The following FOXN3 variants were observed in gnomAD, a reference collection of about 807,000 sequenced individuals.
FOXN3 encodes forkhead box protein N3.
A neutral mutation model predicts 38.4 loss-of-function variants in FOXN3; 7 were observed. The ratio of observed to expected loss-of-function variants is 0.18; its 90% confidence interval spans 0.10 to 0.34. The LOEUF (loss-of-function observed/expected upper bound fraction) is 0.34. FOXN3 is among the 10% of genes least tolerant of loss of function. FOXN3 has a pLI of 1.00. For missense variants in FOXN3, 456 were observed against 613.4 expected (o/e 0.74, Z 2.71); for synonymous variants, 230 against 242.2 (o/e 0.95, Z 0.47).
intron 1 of FOXN3, among the ~76,000 whole-genome samples, chr14:89,536,828 G>A (rs890985445): frequency 2.6e-5 from 4 of 151,740 alleles, no homozygotes; most frequent in African/African-American, 9.7e-5. Context: ...ATTAAATAAG[G>A]TCATCCTCCA....
At chr14:89,463,454 G>C (rs1892898566) in intron 1 of FOXN3, among the ~76,000 whole-genome samples, 1 of 152,146 alleles carries the variant, frequency 6.6e-6, no homozygotes, top group Non-Finnish European at 1.5e-5. Flanking sequence ...ACAGCAATAA[G>C]TTTAAAAGTA....
chr14:89,513,088 C>T (rs945856503), intron 1 of FOXN3, among the ~76,000 whole-genome samples: 3 of 141,218 alleles, frequency 2.1e-5, no homozygotes, highest in South Asian at 2.2e-4. Flanking sequence ...TGCAGTGAGC[C>T]GAGATCGCGC....
chr14:89,212,671 C>T (rs1884137513), intron 4 of FOXN3, among the ~76,000 whole-genome samples: 1 of 152,174 alleles, frequency 6.6e-6, no homozygotes, highest in South Asian at 2.1e-4. Flanking sequence ...CCTCCTTTGG[C>T]CCTTCCAACA....
rs184790769 is a variant in FOXN3 at position 89,558,930 on chromosome 14, T to C, written c.-15+60098A>G. On this transcript the variant is annotated intron_variant, in intron 1 of 6. Coordinates refer to the FOXN3 transcript ENST00000345097. ...CACATTTGGGCACACTTAGGCTTCT[T>C]AATATGAAACTTCTTCTGATTTACC... 1.7e-3 allele frequency among the ~76,000 whole-genome samples: 265 copies of C among 152,306 alleles called. 1 individual carries two copies. Among genetic ancestry groups the C allele is most frequent in the Middle Eastern group, 3.4e-3 (1 of 294 alleles).
intron 1 of FOXN3, among the ~76,000 whole-genome samples, chr14:89,442,797 T>C (rs1241256769): frequency 2.6e-5 from 4 of 151,014 alleles, no homozygotes; most frequent in Non-Finnish European, 5.9e-5. Flanking sequence ...TTCCCAGCCA[T>C]GGATGTAATT....
At chr14:89,273,968 A>C (rs1886227350) in intron 4 of FOXN3, among the ~76,000 whole-genome samples, 1 of 152,110 alleles carries the variant, frequency 6.6e-6, no homozygotes. Flanking sequence ...AATTTTTTTT[A>C]ATGTGTATGC....
At chr14:89,463,973 G>A (rs1892916270) in intron 1 of FOXN3, among the ~76,000 whole-genome samples, 1 of 152,080 alleles carries the variant, frequency 6.6e-6, no homozygotes, top group African/African-American at 2.4e-5. Context: ...TAGTAGAGGT[G>A]GGGTTTCACC....
rs1887191512 is a variant in FOXN3, at chr14:89,164,578, A to G, written c.852-1609T>C. On this transcript the variant is annotated intron_variant, in intron 5 of 5. Transcript: ENST00000557258. The surrounding 1 kb of genome is among the most constrained non-coding windows in gnomAD (Gnocchi z 4.3). Reference sequence around the variant, plus strand: ...CATGAGACAGGGTGTGGTTACTGCTAGGCCCCCAGTGGCTATCGCCGTGTC... The same window carrying G: ...CATGAGACAGGGTGTGGTTACTGCTGGGCCCCCAGTGGCTATCGCCGTGTC... Among the ~76,000 whole-genome samples, 2 of 152,172 alleles carry G rather than the reference A, an allele frequency of 1.3e-5. No individual in the cohort carries two copies. Among genetic ancestry groups the G allele is most frequent in the African/African-American group, 4.8e-5 (2 of 41,440 alleles).
intron 1 of FOXN3, among the ~76,000 whole-genome samples, chr14:89,477,660 C>T (rs753482490): frequency 4.6e-5 from 7 of 152,188 alleles, no homozygotes; most frequent in Non-Finnish European, 1.0e-4. Flanking sequence ...GCCAGGATGA[C>T]TGGGCTGAAG....
In FOXN3 at chr14:89,244,328, G is replaced by A. The variant is rs181068801; in HGVS notation, c.745+36622C>T. Reference sequence around the variant, plus strand: ...TGCAGGAACCTTCAAATATTTCCCCGTCTAAGCCATACCTACAAATGTCAT... The same window carrying A: ...TGCAGGAACCTTCAAATATTTCCCCATCTAAGCCATACCTACAAATGTCAT... On this transcript the variant is annotated intron_variant, in intron 4 of 5. Transcript: ENST00000557258. Among the ~76,000 whole-genome samples the A allele has an allele frequency of 1.1e-4, 17 of 152,232 alleles. No homozygotes were observed. In the East Asian group the frequency reaches 1.5e-3, roughly 14 times the overall value.
chr14:89,257,486 AC>A (rs1885660368), intron 4 of FOXN3, among the ~76,000 whole-genome samples: 1 of 152,236 alleles, frequency 6.6e-6, no homozygotes, highest in Non-Finnish European at 1.5e-5. Context: ...ACCTGTAAGT[AC>A]CAATTCCTGT....
upstream of FOXN3, among the ~76,000 whole-genome samples, chr14:89,420,032 A>C (rs1398360084): frequency 6.6e-6 from 1 of 152,096 alleles, no homozygotes; most frequent in Non-Finnish European, 1.5e-5. Flanking sequence ...AAATACGGGG[A>C]GGCTGGGCAG....
intron 4 of FOXN3, among the ~76,000 whole-genome samples, chr14:89,272,434 T>C (rs558324421): frequency 6.6e-6 from 1 of 152,314 alleles, no homozygotes; most frequent in South Asian, 2.1e-4. Flanking sequence ...AGGTATTACA[T>C]GTGGATGGTA....
intron 1 of FOXN3, among the ~76,000 whole-genome samples, chr14:89,575,260 C>T (rs243195): frequency 0.21 from 32,125 of 152,064 alleles, 4,327 homozygotes; most frequent in East Asian, 0.47. Context: ...TCTAAGATGA[C>T]CTTGAAGGAC....
At chr14:89,551,324 C>A (rs1895001691) in intron 1 of FOXN3, among the ~76,000 whole-genome samples, 1 of 152,166 alleles carries the variant, frequency 6.6e-6, no homozygotes, top group Non-Finnish European at 1.5e-5. Flanking sequence ...CTGTCTTCTG[C>A]ACAATCAGAT....
intron 3 of FOXN3, among the ~76,000 whole-genome samples, chr14:89,312,885 G>A (rs562592639): frequency 3.3e-5 from 5 of 152,238 alleles, no homozygotes; most frequent in Admixed American, 2.0e-4. Context: ...CCCCACTACC[G>A]ACTGCCCTGT....
chr14:89,512,608 C>A (rs1248047395), intron 1 of FOXN3, among the ~76,000 whole-genome samples: 1 of 152,218 alleles, frequency 6.6e-6, no homozygotes, highest in Non-Finnish European at 1.5e-5. Flanking sequence ...CTTCCCGGTA[C>A]GGGGAGGCCA....
intron 1 of FOXN3, among the ~76,000 whole-genome samples, chr14:89,483,674 CT>C (rs1893389145): frequency 6.6e-6 from 1 of 152,180 alleles, no homozygotes; most frequent in Middle Eastern, 3.2e-3. Context: ...TCCCAAAGTG[CT>C]GGGATTACAG....
At chr14:89,408,077 C>A (rs1479864789) in intron 2 of FOXN3, among the ~76,000 whole-genome samples, 1 of 152,186 alleles carries the variant, frequency 6.6e-6, no homozygotes, top group Non-Finnish European at 1.5e-5. Context: ...TTTGCCCTGA[C>A]TGACTCATTC....
Sources: gnomAD v4.1 joint callset for allele counts (sites outside exome capture counted in the v4.1 genomes callset) on GRCh38, gnomAD v4.1.1 for gene constraint, Gnocchi (gnomAD v3.1) non-coding constraint, MANE v1.5 for transcripts, NCBI Gene and HGNC (gene_info 2026-07-23, HGNC 2026-07-21) for gene names.